EPB41L1: variants seen among roughly 807,000 people sequenced by gnomAD.
EPB41L1 encodes band 4.1-like protein 1.
In EPB41L1, 29 loss-of-function variants were observed where a neutral mutation model predicts 97.8. That is an observed-to-expected ratio of 0.30 (90% CI 0.22 to 0.40). The LOEUF is 0.40. EPB41L1 is among the 10% of genes least tolerant of loss of function. EPB41L1 has a pLI of 1.00. For missense variants in EPB41L1, 812 were observed against 1,162.3 expected (o/e 0.70, Z 4.38); for synonymous variants, 383 against 459.2 (o/e 0.83, Z 2.12).
chr20:36,194,426 C>T (rs752151825), intron 12 of EPB41L1, 66 bp downstream of exon 12: 99 of 1,545,304 alleles, frequency 6.4e-5, no homozygotes, highest in African/African-American at 8.2e-5. Context: ...GGTCTAGCCT[C>T]GGCCTTGACC....
chr20:36,163,584 A>G (rs912692748), intron 1 of EPB41L1, among the ~76,000 whole-genome samples: 1 of 152,270 alleles, frequency 6.6e-6, no homozygotes, highest in South Asian at 2.1e-4. Flanking sequence ...CAGATGCTTC[A>G]CCTGAGGAGA....
upstream of EPB41L1, among the ~76,000 whole-genome samples, chr20:36,154,158 C>G (rs1280405955): frequency 6.6e-6 from 1 of 152,150 alleles, no homozygotes; most frequent in Non-Finnish European, 1.5e-5. The surrounding 1 kb of genome is among the most constrained non-coding windows in gnomAD (Gnocchi z 5.5). Context: ...GTTGTAATAC[C>G]TCCTCCCGGT....
Position 36,218,886 on chromosome 20 carries a change from T to C in EPB41L1, c.2279T>C (p.Leu760Pro), listed in dbSNP as rs1269396059. Reference protein sequence around the residue: ...ETISTTMENSLKSGKGAAAMI... With the variant: ...ETISTTMENSPKSGKGAAAMI... ...CTATTGTTTCCCCAGGAGAACAGTC[T>C]CAAGTCCGGGAAGGGGGCAGCTGCC... Residue 760 changes from leucine to proline, a missense_variant, in exon 18 of 22, where the codon CTC becomes CCC. By Grantham distance (98) the Leu-to-Pro change is moderately conservative. Transcript: ENST00000338074. 1.9e-6 allele frequency: 3 copies of C among 1,613,952 alleles called. No individual in the cohort carries two copies. Among genetic ancestry groups the C allele is most frequent in the Non-Finnish European group, 2.5e-6 (3 of 1,180,018 alleles).
rs1452357297 is a variant in EPB41L1 at position 36,189,492 on chromosome 20, T to G, written c.1027-785T>G. Among the ~76,000 whole-genome samples the G allele has an allele frequency of 2.6e-5, 4 of 152,334 alleles. No individual in the cohort carries two copies. In the East Asian group the frequency reaches 7.7e-4, roughly 29 times the overall value. ...CTTGAGATCTTTGAATAAGTCGAGC[T>G]CTTTCCTGCCTGAGTGCTTCGCATT... On this transcript the variant is annotated intron_variant, in intron 9 of 21. Transcript: ENST00000338074.
At chr20:36,219,872 C>G (rs1170981206) in intron 19 of EPB41L1, 28 bp downstream of exon 19, 1 of 1,589,962 alleles carries the variant, frequency 6.3e-7, no homozygotes, top group Admixed American at 1.7e-5. Context: ...GCCCCATGCC[C>G]CCAGCCGAGC....
intron 6 of EPB41L1, among the ~76,000 whole-genome samples, chr20:36,183,941 TAAAAG>T (rs956971066): frequency 6.6e-6 from 1 of 152,024 alleles, no homozygotes; most frequent in African/African-American, 2.4e-5. Flanking sequence ...AAAAGATACT[TAAAAG>T]AAAAAAGCCC....
rs1248734273 is a variant in EPB41L1 at position 36,221,866 on chromosome 20, T to A, written c.2442T>A (p.Thr814=). Reference sequence around the variant, plus strand: ...CTCACCTCCCTCTCCCTCTGCAGACTGTGAAAGGAGGGTTTTCTGAGACAA... The same window carrying A: ...CTCACCTCCCTCTCCCTCTGCAGACAGTGAAAGGAGGGTTTTCTGAGACAA... ...STSTTTHVTK[T]VKGGFSETRI... Residue 814 remains threonine, a splice_region_variant and synonymous_variant, in exon 20 of 22, where the codon ACT becomes ACA. Transcript: ENST00000338074. 6.2e-7 allele frequency: 1 copy of A among 1,614,114 alleles called. No individual in the cohort carries two copies. Among genetic ancestry groups the A allele is most frequent in the South Asian group, 1.1e-5 (1 of 91,082 alleles).
At chr20:36,125,526 A>T in intron 2 of EPB41L1, 3 of 1,530,322 alleles carry the variant, frequency 2.0e-6, no homozygotes, top group Non-Finnish European at 1.8e-6. Flanking sequence ...CGCTCAGTAA[A>T]GGTGAGCTAT....
chr20:36,147,618 T>C (rs1230499016), intron 2 of EPB41L1, among the ~76,000 whole-genome samples: 3 of 152,226 alleles, frequency 2.0e-5, no homozygotes, highest in Admixed American at 6.5e-5. Context: ...ATTGAAAATA[T>C]AGGCAAGTTG....
chr20:36,113,632 A>C (rs2058492318), intron 2 of EPB41L1: 1 of 152,522 alleles, frequency 6.6e-6, no homozygotes, highest in South Asian at 2.1e-4. Flanking sequence ...TCCTTCCTAC[A>C]GGGGCCCCAT....
At chr20:36,194,041 C>A (rs2062073989) in intron 11 of EPB41L1, among the ~76,000 whole-genome samples, 171 bp from the exon 12 acceptor site, 1 of 152,188 alleles carries the variant, frequency 6.6e-6, no homozygotes, top group African/African-American at 2.4e-5. Flanking sequence ...GGCAGCTCTG[C>A]CACTCACTGG....
chr20:36,181,963 A>G (rs77246515), intron 5 of EPB41L1, among the ~76,000 whole-genome samples: 2,408 of 152,216 alleles, frequency 0.016, 61 homozygotes, highest in African/African-American at 0.055. Context: ...CATAGGACTT[A>G]CTCATGGGGT....
intron 2 of EPB41L1, among the ~76,000 whole-genome samples, chr20:36,114,301 C>T (rs2058516231): frequency 6.6e-6 from 1 of 152,032 alleles, no homozygotes; most frequent in African/African-American, 2.4e-5. Context: ...AGAATTTTGC[C>T]CTCCTCGTGG....
At chr20:36,126,136 CTG>C (rs957445115) in intron 2 of EPB41L1, among the ~76,000 whole-genome samples, 10 of 152,228 alleles carry the variant, frequency 6.6e-5, no homozygotes, top group African/African-American at 1.7e-4. Context: ...ATCTGACTCT[CTG>C]TGTAGAAAAT....
Position 36,195,309 on chromosome 20 carries a change from C to G in EPB41L1, c.1450-20C>G. On this transcript the variant is annotated intron_variant, in intron 12 of 21. Transcript: ENST00000338074. This position sits in a 1 kb window ranked among gnomAD's most constrained non-coding sequence, Gnocchi z 4.6. The stretch of plus-strand genomic sequence containing the variant: ...CTACTGACCCTGCTGCTTTCTTTCC[C>G]TCCTACCACATCCCACTAGCCGGAG... 1 of 1,614,084 alleles carries G rather than the reference C, an allele frequency of 6.2e-7. No homozygotes were observed. Among genetic ancestry groups the G allele is most frequent in the Non-Finnish European group, 8.5e-7 (1 of 1,180,004 alleles).
chr20:36,108,947 CTT>C (rs112178873), intron 1 of EPB41L1, among the ~76,000 whole-genome samples: 26 of 142,712 alleles, frequency 1.8e-4, no homozygotes, highest in South Asian at 2.2e-4. Context: ...TTCAGGGCTT[CTT>C]TTTTTTTTTT....
intron 9 of EPB41L1, among the ~76,000 whole-genome samples, chr20:36,188,872 C>A (rs1334411639): frequency 7.0e-6 from 1 of 142,024 alleles, no homozygotes; most frequent in African/African-American, 2.7e-5. Flanking sequence ...GAGCAAGACT[C>A]TGTCTCAAAA....
At chr20:36,139,437 T>C (rs928521904) in intron 2 of EPB41L1, among the ~76,000 whole-genome samples, 4 of 152,226 alleles carry the variant, frequency 2.6e-5, no homozygotes, top group Non-Finnish European at 4.4e-5. Context: ...AAAAATTTTT[T>C]TGTTATGCAA....
intron 19 of EPB41L1, among the ~76,000 whole-genome samples, chr20:36,220,987 C>T (rs559066516): frequency 6.6e-6 from 1 of 152,310 alleles, no homozygotes; most frequent in Non-Finnish European, 1.5e-5. Flanking sequence ...TTCTCACGTA[C>T]CCCACAAAGA....
Sources: allele counts gnomAD v4.1 joint callset (sites outside exome capture counted in the v4.1 genomes callset), GRCh38; gene constraint gnomAD v4.1.1; non-coding constraint Gnocchi (gnomAD v3.1); transcripts MANE v1.5; gene names NCBI Gene and HGNC (gene_info 2026-07-23, HGNC 2026-07-21).